The following ULK1 variants were observed in gnomAD, a reference collection of about 807,000 sequenced individuals.
ULK1 encodes unc-51 like autophagy activating kinase 1, also known as serine/threonine-protein kinase ULK1.
Under a neutral mutation model 117.5 loss-of-function variants are expected in ULK1, and 48 were observed. That is an observed-to-expected ratio of 0.41 (90% confidence interval 0.32 to 0.52). ULK1 has a LOEUF of 0.52. ULK1 is among the 20% of genes least tolerant of loss of function. The probability of loss-of-function intolerance (pLI) is 0.29; values close to 1 mark genes in which losing one functional copy is unlikely to be tolerated. For synonymous variants in ULK1, 790 were observed against 637.8 expected, an observed-to-expected ratio of 1.24 and a Z score of -3.60; for missense variants, 1,387 against 1,473.4, an observed-to-expected ratio of 0.94 and a Z score of 0.96.
intron 25 of ULK1, 134 bp downstream of exon 25, chr12:131,919,724 G>T (rs2136414484): frequency 1.8e-6 from 2 of 1,122,954 alleles, no homozygotes; most frequent in East Asian, 2.4e-5. Context: ...CCGGGGCCTG[G>T]CCCAGTGTGC....
chr12:131,918,730 G>GGGGTGTCGGGTGTGTGGGGTATA, intron 23 of ULK1, 49 bp downstream of exon 23: 3 of 1,121,996 alleles, frequency 2.7e-6, no homozygotes, highest in East Asian at 4.0e-5. Flanking sequence ...GAGGGTGTGT[G>GGGGTGTCGGGTGTGTGGGGTATA]GGGTGTGTGG....
At position 131,919,271 on chromosome 12, in the gene ULK1, C is replaced by T. The variant is rs369136544; in HGVS notation, c.2571C>T (p.Val857=). 8.1e-6 allele frequency: 13 copies of T among 1,598,992 alleles called. No individual in the cohort carries two copies. In the South Asian group the frequency reaches 9.9e-5, roughly 12 times the overall value. ...LRFTLLFVQH[V]LEIAALKGSA... is the part of the protein sequence containing the mutation. ...TCACGCTGCTGTTCGTGCAGCACGT[C>T]CTGGAGATCGCAGCCCTGAAGGGCA... Residue 857 remains valine (V), a synonymous_variant, in exon 24 of 28, where the codon GTC becomes GTT. Coordinates refer to ENST00000321867, the MANE Select transcript of ULK1 (RefSeq NM_003565.4).
In ULK1 at chr12:131,918,535, C is replaced by T. The variant is rs1170086532; in HGVS notation, c.2365C>T (p.Leu789=). The T allele has an allele frequency of 6.2e-7, 1 of 1,610,972 alleles. No individual in the cohort carries two copies. Among genetic ancestry groups the T allele is most frequent in the Non-Finnish European group, 8.5e-7 (1 of 1,179,162 alleles). Residue 789 remains leucine (L), a synonymous_variant, in exon 23 of 28, where the codon CTG becomes TTG. Coordinates refer to ENST00000321867, the MANE Select transcript of ULK1 (RefSeq NM_003565.4). ...CTCTGCCAGCTCTTCTGCCCGCCAC[C>T]TGGTGCCTGGGCCCTGCAGCGAGGC... The part of the protein sequence containing the change: ...TGSASSSARH[L]VPGPCSEAPA...
rs1427173771 is a variant in ULK1, at chr12:131,915,349, G to A, written c.1537G>A (p.Glu513Lys). 5.6e-6 allele frequency: 9 copies of A among 1,612,706 alleles called. No individual in the cohort carries two copies. Among genetic ancestry groups the A allele is most frequent in the African/African-American group, 5.3e-5 (4 of 74,952 alleles). ...TTTTCCCCAAGTTGGAACCATCCCT[G>A]AGCGGCCAGGCTGGAGCGGGACGCC... Reference protein sequence around the residue: ...TPSPQVGTIPERPGWSGTPSP... With the variant: ...TPSPQVGTIPKRPGWSGTPSP... The change falls in exon 18 of 28, where the codon GAG (glutamate) becomes AAG (lysine). Residue 513 changes from glutamate to lysine, a missense_variant. Around this residue, in one of 4 missense-constraint regions of ULK1, gnomAD observed 900 missense variants for 858.9 expected, o/e 1.05. Transcript: ENST00000321867.
chr12:131,922,508 C>G lies in ULK1; in HGVS notation c.*1147C>G, dbSNP rs1204106753. 6.3e-6 allele frequency: 1 copy of G among 159,156 alleles called. No homozygotes were observed. Among genetic ancestry groups the G allele is most frequent in the African/African-American group, 2.4e-5 (1 of 41,566 alleles). The allele number at this position is 159,156 out of a possible 1,614,324, so 9.9% of individuals were successfully genotyped here. A position where few individuals can be genotyped will look rare whatever the true frequency, so the allele number is the denominator to read the frequency against. On this transcript the variant is annotated 3_prime_UTR_variant, in exon 28 of 28. Transcript: ENST00000321867. ...GGTAGGCCTGATGACAGCCCTGTCCCTCCCTGCCTCTGCCTTGCCCAAGGC... is the reference window on the plus strand; with the variant it reads ...GGTAGGCCTGATGACAGCCCTGTCCGTCCCTGCCTCTGCCTTGCCCAAGGC...
chr12:131,910,596 G>A lies in ULK1; in HGVS notation c.860-116G>A, dbSNP rs994373939. On this transcript the variant is annotated intron_variant, in intron 11 of 27. Coordinates refer to ENST00000321867, the MANE Select transcript of ULK1 (RefSeq NM_003565.4). ...GGAGCCTCCCTCCTTCCTGCTGGTC[G>A]GGGTGTAGCCGGAAGTGGAGGGGAT... The A allele has an allele frequency of 6.9e-6, 11 of 1,600,200 alleles. No homozygotes were observed. The Admixed American group carries it at 1.3e-4, about 20-fold the overall frequency.
At chr12:131,916,920 G>A (rs532233043) in intron 20 of ULK1, 33 bp from the exon 21 acceptor site, 35 of 1,572,372 alleles carry the variant, frequency 2.2e-5, no homozygotes, top group East Asian at 2.0e-4. Context: ...GGGGTGGGCC[G>A]GGCACCCAGC....
chr12:131,901,039 C>G (rs1889064488), intron 3 of ULK1, among the ~76,000 whole-genome samples: 1 of 143,760 alleles, frequency 7.0e-6, no homozygotes, highest in South Asian at 2.2e-4. Context: ...TTGTGTATAT[C>G]TTTTTTTTTT....
At position 131,917,062 on chromosome 12, in the gene ULK1, G is replaced by A; in HGVS notation, c.2182G>A (p.Ala728Thr). The stretch of plus-strand genomic sequence containing the variant: ...CCTGCAGGAGAAGCCCATGGAGATC[G>A]GTGTGTGGGTGGGTGGGGCTCGGAG... ...ESLQEKPMEI[A>T]PSAGFGGSLH... is the part of the protein sequence containing the mutation. Residue 728 changes from alanine (A) to threonine (T), a missense_variant and splice_region_variant, in exon 21 of 28, where the codon GCA becomes ACA. Physicochemically the swap from Ala to Thr is moderately conservative, Grantham distance 58. Coordinates refer to ENST00000321867, the MANE Select transcript of ULK1 (RefSeq NM_003565.4). The A allele has an allele frequency of 2.6e-6, 4 of 1,520,872 alleles. No individual in the cohort carries two copies. The highest frequency in any genetic ancestry group is 3.6e-6 in the Non-Finnish European group (4 of 1,123,384). The allele number at this position is 1,520,872 out of a possible 1,614,324, so 94.2% of individuals were successfully genotyped here.
intron 1 of ULK1, 56 bp downstream of exon 1, chr12:131,895,168 C>T: frequency 7.7e-7 from 1 of 1,297,254 alleles, no homozygotes; most frequent in Admixed American, 3.0e-5. Context: ...CCCCTGCATC[C>T]CCGCCCCGAG....
In ULK1 at chr12:131,922,894, G is replaced by A. The variant is rs1169576043; in HGVS notation, c.*1533G>A. ...GGCATGTTTGTATTTATTGCTTCAT[G>A]GCCGACTGGAATCCTGAGTCCTGGG... is the stretch of plus-strand genomic sequence containing the variant. On this transcript the variant is annotated 3_prime_UTR_variant, in exon 28 of 28. Coordinates refer to ENST00000321867, the MANE Select transcript of ULK1 (RefSeq NM_003565.4). The A allele has an allele frequency of 6.6e-6, 1 of 152,324 alleles. No homozygotes were observed. The highest frequency in any genetic ancestry group is 2.4e-5 in the African/African-American group (1 of 41,408). The allele number at this position is 152,324 out of a possible 1,614,324, so 9.4% of individuals were successfully genotyped here.
At chr12:131,912,181 C>T (rs1366155940) in intron 13 of ULK1, 92 bp downstream of exon 13, 1 of 1,492,170 alleles carries the variant, frequency 6.7e-7, no homozygotes. Context: ...TAACACATTT[C>T]CACTTATGGG....
At position 131,919,551 on chromosome 12, in the gene ULK1, C is replaced by G. The variant is rs543744479; in HGVS notation, c.2764C>G (p.Arg922Gly). 8.1e-6 allele frequency: 13 copies of G among 1,612,208 alleles called. No homozygotes were observed. The highest frequency in any genetic ancestry group is 8.0e-5 in the African/African-American group (6 of 75,048). ...CCTGCAAAGTGCCATCGACCAGATCCGGGCCGGCAAGCTCTGCCTGTCGTC... is the reference window on the plus strand; with the variant it reads ...CCTGCAAAGTGCCATCGACCAGATCGGGGCCGGCAAGCTCTGCCTGTCGTC... ...SGLQSAIDQI[R>G]AGKLCLSSTV... Residue 922 changes from arginine to glycine, a missense_variant, in exon 25 of 28, where the codon CGG (arginine) becomes GGG (glycine). Around this residue, in one of 4 missense-constraint regions of ULK1, gnomAD observed 900 missense variants for 858.9 expected, o/e 1.05. Transcript: ENST00000321867.
intron 15 of ULK1, 67 bp downstream of exon 15, chr12:131,913,903 T>G (rs139708558): frequency 8.6e-4 from 1,154 of 1,336,526 alleles, no homozygotes; most frequent in Non-Finnish European, 1.0e-3. Flanking sequence ...TTGGGCTTCC[T>G]GTGTGTCGCA....
chr12:131,908,798 C>T lies in ULK1; in HGVS notation c.471C>T (p.Asn157=), dbSNP rs1356449099. ...CCGCCGGCCGCCGCGCCAACCCCAACAGCATCCGCGTCAAGATCGGTCAGC... is the reference window on the plus strand; with the variant it reads ...CCGCCGGCCGCCGCGCCAACCCCAATAGCATCCGCGTCAAGATCGGTCAGC... ...SNPAGRRANP[N]SIRVKIADFG... The change falls in exon 6 of 28, where the codon AAC becomes AAT. Residue 157 remains asparagine, a synonymous_variant. Coordinates refer to ENST00000321867, the MANE Select transcript of ULK1 (RefSeq NM_003565.4). 1 of 1,607,446 alleles carries T rather than the reference C, an allele frequency of 6.2e-7. No individual in the cohort carries two copies.
At chr12:131,916,926 C>G (rs376739464) in intron 20 of ULK1, 27 bp from the exon 21 acceptor site, 67 of 1,582,236 alleles carry the variant, frequency 4.2e-5, no homozygotes, top group Non-Finnish European at 5.3e-5. Context: ...GGCCGGGCAC[C>G]CAGCACAGCC....
chr12:131,894,917 CGCCCG>C lies in ULK1; in HGVS notation c.-84_-80del. 5.2e-6 allele frequency: 1 copy of C among 191,240 alleles called. No homozygotes were observed. Among genetic ancestry groups the C allele is most frequent in the Non-Finnish European group, 9.1e-6 (1 of 109,690 alleles). The allele number at this position is 191,240 out of a possible 1,614,324, so 11.8% of individuals were successfully genotyped here. On this transcript the variant is annotated 5_prime_UTR_variant, in exon 1 of 28. An upstream open reading frame in the 5' UTR loses its in-frame stop. Coordinates refer to ENST00000321867, the MANE Select transcript of ULK1 (RefSeq NM_003565.4). ...CGCCCCCGGCCCCGCGCCCCCGGCC[CGCCCG>C]CCCCGGCCCGCGCCTCCGCCTGAGT...
chr12:131,895,369 T>C (rs1039597822), intron 1 of ULK1, among the ~76,000 whole-genome samples: 2 of 141,860 alleles, frequency 1.4e-5, no homozygotes, highest in African/African-American at 5.3e-5. Context: ...CCGACTTTCC[T>C]GTCCAAACCC....
intron 23 of ULK1, among the ~76,000 whole-genome samples, 164 bp downstream of exon 23, chr12:131,918,845 C>A (rs1040098953): frequency 2.3e-3 from 7 of 2,990 alleles, no homozygotes; most frequent in Non-Finnish European, 3.3e-3. Context: ...TGTGGGGTGT[C>A]GGGTGTGTGG....
Sources: allele counts gnomAD v4.1 joint callset (sites outside exome capture counted in the v4.1 genomes callset), GRCh38; gene constraint gnomAD v4.1.1; regional missense constraint gnomAD v4.1.1; transcripts MANE v1.5; gene names NCBI Gene and HGNC (gene_info 2026-07-23, HGNC 2026-07-21).